Variants in ME3 observed in about 807,000 individuals in gnomAD.
ME3 encodes NADP-dependent malic enzyme, mitochondrial.
ME3 carries 48 observed loss-of-function variants against 68.9 expected under a neutral mutation model. That is an observed-to-expected ratio of 0.70 (90% CI 0.55 to 0.89). The LOEUF (loss-of-function observed/expected upper bound fraction) is 0.89, where lower values mean the gene tolerates loss of function less well. ME3 is among the 40% of genes least tolerant of loss of function. The probability of loss-of-function intolerance (pLI) is 0.00; values close to 1 mark genes in which losing one functional copy is unlikely to be tolerated. For missense variants in ME3, 675 were observed against 797.4 expected (o/e 0.85, Z 1.85); for synonymous variants, 320 against 318.8 (o/e 1.00, Z -0.04).
chr11:86,667,377 C>G (rs1946648497), intron 2 of ME3, among the ~76,000 whole-genome samples: 1 of 152,102 alleles, frequency 6.6e-6, no homozygotes, highest in African/African-American at 2.4e-5. Flanking sequence ...CAGTTAAATG[C>G]CCTGAAGTCT....
chr11:86,465,267 T>G, intron 7 of ME3, 67 bp from the exon 8 acceptor site: 2 of 1,243,400 alleles, frequency 1.6e-6, no homozygotes, highest in East Asian at 2.3e-5. Flanking sequence ...AGATCCCAGC[T>G]TGCACAGTGG....
intron 2 of ME3, among the ~76,000 whole-genome samples, chr11:86,649,162 T>C (rs1350108339): frequency 6.6e-6 from 1 of 152,160 alleles, no homozygotes; most frequent in African/African-American, 2.4e-5. Flanking sequence ...TGGTTCAACA[T>C]ACACAAATCA....
At chr11:86,668,482 A>C (rs1005719868) in intron 2 of ME3, among the ~76,000 whole-genome samples, 6 of 152,200 alleles carry the variant, frequency 3.9e-5, no homozygotes, top group Non-Finnish European at 5.9e-5. Context: ...GAACAATTCC[A>C]GACTAGATCA....
intron 6 of ME3, among the ~76,000 whole-genome samples, chr11:86,492,960 C>A (rs760212646): frequency 6.6e-6 from 1 of 152,164 alleles, no homozygotes; most frequent in East Asian, 1.9e-4. Context: ...GGGCACAGCA[C>A]GCTTTCTCCT....
Position 86,556,780 on chromosome 11 carries a change from C to T in ME3, c.318-78G>A, listed in dbSNP as rs1956953759. 6 of 1,491,330 alleles carry T rather than the reference C, an allele frequency of 4.0e-6. No individual in the cohort carries two copies. The East Asian group carries it at 1.4e-4, about 34-fold the overall frequency. The allele number at this position is 1,491,330 out of a possible 1,614,324, so 92.4% of individuals were successfully genotyped here. On this transcript the variant is annotated intron_variant, in intron 3 of 14. Coordinates refer to ENST00000543262, the Ensembl canonical transcript of ME3. ...TGCCTCTGTGGTGTGGTGCAAAGAC[C>T]CAAGGCTCCTGTTCCTGCTCAGCCC...
intron 4 of ME3, among the ~76,000 whole-genome samples, chr11:86,550,700 C>T (rs1246956920): frequency 2.6e-5 from 4 of 152,068 alleles, no homozygotes; most frequent in African/African-American, 9.7e-5. Flanking sequence ...GCTTGCCTCC[C>T]AATTTTGCTG....
rs1157236063 is a variant in ME3 at position 86,622,526 on chromosome 11, A to G, written c.183+49236T>C. Among the ~76,000 whole-genome samples the G allele has an allele frequency of 2.0e-5, 3 of 151,970 alleles. No homozygotes were observed. In the East Asian group the frequency reaches 5.8e-4, roughly 29 times the overall value. On this transcript the variant is annotated intron_variant, in intron 2 of 14. Coordinates refer to ENST00000543262, the Ensembl canonical transcript of ME3. ...TCAAAGGTGAGGCCTCAGCAACTAT[A>G]TTTTTATCAAGAGCTCAGAAGGTCT...
chr11:86,475,220 C>T (rs583594), intron 7 of ME3, among the ~76,000 whole-genome samples: 52,145 of 151,998 alleles, frequency 0.34, 9,124 homozygotes, highest in African/African-American at 0.35. Flanking sequence ...TACCATCCCT[C>T]TGGGTACTGT....
chr11:86,637,792 A>G (rs1944431396), intron 2 of ME3, among the ~76,000 whole-genome samples: 1 of 152,122 alleles, frequency 6.6e-6, no homozygotes, highest in South Asian at 2.1e-4. Flanking sequence ...GAGAAATTGG[A>G]GATAAGGAAA....
At chr11:86,464,993 T>G in intron 8 of ME3, 98 bp downstream of exon 8, 2 of 947,338 alleles carry the variant, frequency 2.1e-6, no homozygotes, top group South Asian at 2.7e-5. Flanking sequence ...GCAAACCAAC[T>G]ATGGGGTGAC....
At chr11:86,474,773 C>T (rs993929909) in intron 7 of ME3, among the ~76,000 whole-genome samples, 24 of 152,190 alleles carry the variant, frequency 1.6e-4, no homozygotes, top group African/African-American at 5.8e-4. Flanking sequence ...ATCTTTTGAT[C>T]ACCTTATGCC....
intron 8 of ME3, among the ~76,000 whole-genome samples, chr11:86,461,631 G>A (rs571806259): frequency 2.5e-4 from 38 of 152,172 alleles, no homozygotes; most frequent in Non-Finnish European, 5.1e-4. Context: ...TCATCACTGG[G>A]TGAGGCCAGG....
At chr11:86,499,915 T>C (rs1213945845) in intron 5 of ME3, among the ~76,000 whole-genome samples, 1 of 152,234 alleles carries the variant, frequency 6.6e-6, no homozygotes, top group Non-Finnish European at 1.5e-5. Flanking sequence ...GCTGGATGTT[T>C]CCACATCAGT....
intron 8 of ME3, chr11:86,462,720 A>ACCAT: frequency 1.7e-6 from 1 of 597,792 alleles, no homozygotes; most frequent in Non-Finnish European, 2.8e-6. Flanking sequence ...TGCCTCCAGA[A>ACCAT]GCTTATTATC....
intron 2 of ME3, among the ~76,000 whole-genome samples, chr11:86,659,908 ATTTT>A (rs545825082): frequency 2.0e-5 from 3 of 149,794 alleles, no homozygotes; most frequent in Admixed American, 2.0e-4. Flanking sequence ...GGCTGGATCT[ATTTT>A]TTTTTTAAGT....
At chr11:86,538,228 T>A (rs1416500615) in intron 4 of ME3, among the ~76,000 whole-genome samples, 1 of 152,058 alleles carries the variant, frequency 6.6e-6, no homozygotes, top group Non-Finnish European at 1.5e-5. Context: ...GATTGAGGGA[T>A]TTCAATATGG....
intron 13 of ME3, among the ~76,000 whole-genome samples, chr11:86,443,425 C>T (rs770908759): frequency 3.3e-5 from 5 of 152,204 alleles, no homozygotes; most frequent in Non-Finnish European, 7.4e-5. Flanking sequence ...AGTCTTACAC[C>T]TTATTGGAAT....
intron 2 of ME3, among the ~76,000 whole-genome samples, chr11:86,643,612 C>G (rs1291338470): frequency 6.6e-6 from 1 of 152,046 alleles, no homozygotes; most frequent in South Asian, 2.1e-4. Context: ...ACCTTCTTAC[C>G]CTTCTTTCTC....
intron 4 of ME3, among the ~76,000 whole-genome samples, chr11:86,534,155 T>C (rs1955483932): frequency 6.7e-6 from 1 of 149,848 alleles, no homozygotes; most frequent in African/African-American, 2.5e-5. Flanking sequence ...GAATGAAATT[T>C]GCAGAACTGG....
Sources: gnomAD v4.1 joint callset for allele counts (sites outside exome capture counted in the v4.1 genomes callset) on GRCh38, gnomAD v4.1.1 for gene constraint, MANE v1.5 for transcripts, NCBI Gene and HGNC (gene_info 2026-07-23, HGNC 2026-07-21) for gene names.